Variants in CDKAL1 observed in about 807,000 individuals in gnomAD.
The protein encoded by CDKAL1 is threonylcarbamoyladenosine tRNA methylthiotransferase.
In CDKAL1, 32 loss-of-function variants were observed where a neutral mutation model predicts 68.2. The ratio of observed to expected loss-of-function variants is 0.47; its 90% CI spans 0.35 to 0.63. The LOEUF (loss-of-function observed/expected upper bound fraction) is 0.63. CDKAL1 is among the 30% of genes least tolerant of loss of function. CDKAL1 has a pLI of 0.00. For synonymous variants in CDKAL1, 234 were observed against 244.3 expected, an observed-to-expected ratio of 0.96 and a Z score of 0.39; for missense variants, 606 against 696.7, an observed-to-expected ratio of 0.87 and a Z score of 1.47.
At chr6:20,617,941 G>A (rs553683374) in intron 4 of CDKAL1, among the ~76,000 whole-genome samples, 157 of 152,308 alleles carry the variant, frequency 1.0e-3, no homozygotes, top group Non-Finnish European at 2.0e-3. Context: ...TCAGTAATGG[G>A]ATCGCTGGGT....
At chr6:21,132,512 T>C (rs997747379) in intron 13 of CDKAL1, among the ~76,000 whole-genome samples, 18 of 149,034 alleles carry the variant, frequency 1.2e-4, no homozygotes, top group Admixed American at 6.6e-4. Context: ...TGTTAATATG[T>C]AGTCATTCCT....
chr6:20,802,624 T>C (rs946269391), intron 8 of CDKAL1, among the ~76,000 whole-genome samples: 20 of 152,120 alleles, frequency 1.3e-4, no homozygotes, highest in African/African-American at 4.3e-4. Flanking sequence ...AAGCATTCTT[T>C]CCAGTTGGAT....
chr6:20,821,591 G>A (rs541976312), intron 8 of CDKAL1, among the ~76,000 whole-genome samples: 1 of 149,828 alleles, frequency 6.7e-6, no homozygotes, highest in Non-Finnish European at 1.5e-5. Flanking sequence ...CTGCTCAAGG[G>A]CAGGGATTTT....
chr6:20,694,847 T>G (rs1771042516), intron 5 of CDKAL1, among the ~76,000 whole-genome samples: 1 of 152,166 alleles, frequency 6.6e-6, no homozygotes, highest in African/African-American at 2.4e-5. Flanking sequence ...GTCCTCACAG[T>G]AATGAGTGGG....
chr6:20,991,411 A>G (rs1402467424), intron 10 of CDKAL1, among the ~76,000 whole-genome samples: 2 of 152,130 alleles, frequency 1.3e-5, no homozygotes, highest in Non-Finnish European at 2.9e-5. Flanking sequence ...AAATGGTTCA[A>G]AATCAACCAG....
At chr6:20,973,117 AT>A (rs1468715332) in intron 10 of CDKAL1, among the ~76,000 whole-genome samples, 1 of 151,920 alleles carries the variant, frequency 6.6e-6, no homozygotes, top group African/African-American at 2.4e-5. Flanking sequence ...GAGTATCATT[AT>A]TTAGCTTATA....
At chr6:21,040,630 T>C (rs577617295) in intron 11 of CDKAL1, among the ~76,000 whole-genome samples, 2 of 152,310 alleles carry the variant, frequency 1.3e-5, no homozygotes, top group South Asian at 4.1e-4. Context: ...AATTTCAAAT[T>C]TATTAAAATA....
intron 8 of CDKAL1, among the ~76,000 whole-genome samples, chr6:20,797,794 ATTT>A (rs1411502326): frequency 6.8e-6 from 1 of 147,128 alleles, no homozygotes; most frequent in Non-Finnish European, 1.5e-5. Flanking sequence ...ATTTTATTTT[ATTT>A]TATTTTATTT....
chr6:20,538,843 G>A (rs1190732482), intron 2 of CDKAL1, among the ~76,000 whole-genome samples: 1 of 152,184 alleles, frequency 6.6e-6, no homozygotes, highest in East Asian at 1.9e-4. Context: ...TTCAACTTAA[G>A]CATTGTGTTC....
At chr6:21,205,648 A>C (rs1469704719) in intron 15 of CDKAL1, among the ~76,000 whole-genome samples, 5 of 150,346 alleles carry the variant, frequency 3.3e-5, no homozygotes, top group Admixed American at 6.6e-5. Context: ...CTCCTGCCGC[A>C]GCCTCCCGAG....
At chr6:20,863,635 G>C (rs1046700933) in intron 9 of CDKAL1, among the ~76,000 whole-genome samples, 4 of 152,150 alleles carry the variant, frequency 2.6e-5, no homozygotes. Context: ...CCCATAATTG[G>C]TAATGAGAAA....
intron 13 of CDKAL1, among the ~76,000 whole-genome samples, chr6:21,185,803 G>A (rs1056973168): frequency 1.3e-5 from 2 of 152,176 alleles, no homozygotes; most frequent in Non-Finnish European, 2.9e-5. Context: ...TTTCAAGAAA[G>A]ACGTTTTAGA....
chr6:21,223,964 G>A (rs1241829595), intron 15 of CDKAL1, among the ~76,000 whole-genome samples: 2 of 152,182 alleles, frequency 1.3e-5, no homozygotes, highest in African/African-American at 4.8e-5. Flanking sequence ...TCTCCTAGAG[G>A]CGCCCTATCC....
intron 8 of CDKAL1, among the ~76,000 whole-genome samples, chr6:20,833,113 T>C (rs1197402353): frequency 6.6e-6 from 1 of 152,242 alleles, no homozygotes; most frequent in African/African-American, 2.4e-5. Context: ...GAGTTCCTGA[T>C]GTATTTATTG....
At chr6:21,074,286 T>C (rs916547584) in intron 12 of CDKAL1, among the ~76,000 whole-genome samples, 1 of 152,234 alleles carries the variant, frequency 6.6e-6, no homozygotes, top group Non-Finnish European at 1.5e-5. Flanking sequence ...TCTGACTTTA[T>C]TGTCACAAGG....
rs78222563 is a variant in CDKAL1 at position 20,763,599 on chromosome 6, C to G, written c.517+4956C>G. ...TTCCACATTTGATCCCTGTTGGGCT[C>G]TCTTCATATCTCATCTTTGAAGGGG... On this transcript the variant is annotated intron_variant, in intron 7 of 15. Coordinates refer to ENST00000274695, the MANE Select transcript of CDKAL1 (RefSeq NM_017774.3). Among the ~76,000 whole-genome samples, 19 of 152,268 alleles carry G rather than the reference C, an allele frequency of 1.2e-4. No homozygotes were observed. In the East Asian group the frequency reaches 3.7e-3, roughly 29 times the overall value.
intron 13 of CDKAL1, among the ~76,000 whole-genome samples, chr6:21,158,187 A>C (rs958123129): frequency 6.6e-6 from 1 of 152,156 alleles, no homozygotes; most frequent in African/African-American, 2.4e-5. Flanking sequence ...CATGTTAGTG[A>C]ACTGGTTTCA....
chr6:21,229,532 G>C (rs1159072417), intron 15 of CDKAL1, among the ~76,000 whole-genome samples: 2 of 152,164 alleles, frequency 1.3e-5, no homozygotes, highest in Non-Finnish European at 2.9e-5. Context: ...AAGCCAAAGA[G>C]GTACCAGGAG....
chr6:20,655,693 C>A (rs937008962), intron 5 of CDKAL1, among the ~76,000 whole-genome samples: 5 of 152,142 alleles, frequency 3.3e-5, no homozygotes, highest in Admixed American at 3.3e-4. Flanking sequence ...AACACCACAC[C>A]TCCCACCCCC....
Sources: gnomAD v4.1 joint callset for allele counts (sites outside exome capture counted in the v4.1 genomes callset) on GRCh38, gnomAD v4.1.1 for gene constraint, MANE v1.5 for transcripts, NCBI Gene and HGNC (gene_info 2026-07-23, HGNC 2026-07-21) for gene names.